Variants in PDE4D observed in about 807,000 individuals in gnomAD.
PDE4D encodes the protein phosphodiesterase 4D, also known as 3',5'-cyclic-AMP phosphodiesterase 4D.
PDE4D carries 24 observed loss-of-function variants against 87.4 expected under a neutral mutation model. The observed-to-expected ratio is 0.27, with a 90% confidence interval of 0.20 to 0.39. The LOEUF (loss-of-function observed/expected upper bound fraction) is 0.39. Ranked by LOEUF, PDE4D falls within the 10% of genes least tolerant of loss-of-function variation. The probability of loss-of-function intolerance (pLI) is 1.00; values close to 1 mark genes in which losing one functional copy is unlikely to be tolerated. For missense variants in PDE4D, 714 were observed against 1,041.0 expected (o/e 0.69, Z 4.32); for synonymous variants, 384 against 383.2 (o/e 1.00, Z -0.02).
At chr5:59,305,353 CATTT>C (rs889877603) in intron 1 of PDE4D, among the ~76,000 whole-genome samples, 2 of 143,428 alleles carry the variant, frequency 1.4e-5, no homozygotes. Flanking sequence ...GGTTTTGTTT[CATTT>C]ATTTATTTAT....
chr5:60,223,991 T>C (rs968575389), intron 1 of PDE4D, among the ~76,000 whole-genome samples: 1 of 152,046 alleles, frequency 6.6e-6, no homozygotes. Context: ...AGAGAGTAAG[T>C]GGGTGGCTAG....
At chr5:60,055,933 G>A (rs546941997) in intron 2 of PDE4D, among the ~76,000 whole-genome samples, 2 of 152,142 alleles carry the variant, frequency 1.3e-5, no homozygotes, top group Admixed American at 6.6e-5. Flanking sequence ...AAAAGGGAAA[G>A]GAGAAGCAAG....
chr5:59,268,990 T>G (rs1193651806), intron 1 of PDE4D, among the ~76,000 whole-genome samples: 1 of 152,046 alleles, frequency 6.6e-6, no homozygotes, highest in Non-Finnish European at 1.5e-5. Context: ...ATTCACTACA[T>G]GATTGGAATG....
rs1158171496 is a variant in PDE4D at position 58,971,606 on chromosome 5, G to GT, written c.*3057dup. 2 of 152,484 alleles carry GT rather than the reference G, an allele frequency of 1.3e-5. No individual in the cohort carries two copies. The highest frequency in any genetic ancestry group is 2.9e-5 in the Non-Finnish European group (2 of 68,004). The allele number at this position is 152,484 out of a possible 1,614,324, so 9.4% of individuals were successfully genotyped here. On this transcript the variant is annotated 3_prime_UTR_variant, in exon 15 of 15. Transcript: ENST00000340635. ...TTTCTGTAAAATCCATTTCATTCAA[G>GT]TTTTTTCTTTCCTTGTCTGTAATTT...
chr5:59,013,327 C>CA (rs1753234280), intron 6 of PDE4D, among the ~76,000 whole-genome samples: 2 of 145,738 alleles, frequency 1.4e-5, no homozygotes, highest in African/African-American at 2.5e-5. Context: ...GATAGAGACA[C>CA]AAAAAAACCT....
intron 6 of PDE4D, among the ~76,000 whole-genome samples, chr5:59,016,818 T>G (rs189687999): frequency 6.6e-6 from 1 of 152,080 alleles, no homozygotes; most frequent in Admixed American, 6.6e-5. Context: ...TGTGCCAGCA[T>G]AGGGGATACA....
chr5:59,557,604 A>C lies in PDE4D; in HGVS notation c.455+335564T>G, dbSNP rs565598275. Among the ~76,000 whole-genome samples, 6 of 152,290 alleles carry C rather than the reference A, an allele frequency of 3.9e-5. No homozygotes were observed. The South Asian group carries it at 1.0e-3, about 26-fold the overall frequency. ...TTAGTCAGTAGGTTTATGTCTACCA[A>C]TATATATCCTATGAGTTAATATAAG... On this transcript the variant is annotated intron_variant, in intron 1 of 14. Transcript: ENST00000340635.
At chr5:59,031,065 A>G (rs1336842728) in intron 6 of PDE4D, among the ~76,000 whole-genome samples, 3 of 152,028 alleles carry the variant, frequency 2.0e-5, no homozygotes, top group African/African-American at 7.2e-5. Context: ...CTATGTTCAA[A>G]CAGATGAATG....
chr5:60,460,060 T>C, intron 1 of PDE4D: 1 of 1,581,602 alleles, frequency 6.3e-7, no homozygotes. Context: ...TTTGGTGACC[T>C]CTCATAACTC....
At chr5:60,425,322 G>C (rs910003082) in intron 1 of PDE4D, among the ~76,000 whole-genome samples, 1 of 152,150 alleles carries the variant, frequency 6.6e-6, no homozygotes, top group African/African-American at 2.4e-5. Flanking sequence ...CATGGTACTG[G>C]TACCAAAACA....
intron 1 of PDE4D, among the ~76,000 whole-genome samples, chr5:59,593,359 C>G (rs1045310752): frequency 1.3e-5 from 2 of 151,236 alleles, no homozygotes; most frequent in African/African-American, 4.9e-5. Flanking sequence ...AGAATGCACA[C>G]TTATTCTTTC....
intron 1 of PDE4D, among the ~76,000 whole-genome samples, chr5:60,259,886 C>T (rs2149701171): frequency 6.6e-6 from 1 of 151,884 alleles, no homozygotes; most frequent in South Asian, 2.1e-4. Context: ...GGGATGGGCA[C>T]CAAGGAAAGT....
intron 3 of PDE4D, among the ~76,000 whole-genome samples, chr5:59,905,692 A>C (rs372218388): frequency 3.9e-5 from 6 of 152,168 alleles, no homozygotes; most frequent in African/African-American, 1.4e-4. Context: ...TGCTCAGCAC[A>C]ATATCTGTTA....
chr5:59,822,405 G>A (rs1370210391), intron 1 of PDE4D, among the ~76,000 whole-genome samples: 1 of 152,018 alleles, frequency 6.6e-6, no homozygotes, highest in African/African-American at 2.4e-5. Context: ...TGTATTGGAG[G>A]TAATGATTTT....
At chr5:59,781,248 G>C (rs1306062780) in intron 1 of PDE4D, among the ~76,000 whole-genome samples, 1 of 151,454 alleles carries the variant, frequency 6.6e-6, no homozygotes, top group Admixed American at 6.6e-5. Flanking sequence ...TGAAAAAGGA[G>C]TGTAATTCCT....
chr5:59,793,838 G>T (rs373741225), intron 1 of PDE4D, among the ~76,000 whole-genome samples: 1 of 152,154 alleles, frequency 6.6e-6, no homozygotes, highest in African/African-American at 2.4e-5. Context: ...AGATTAAGCC[G>T]TGGTGACAGA....
chr5:59,767,292 T>C (rs1762922603), intron 1 of PDE4D, among the ~76,000 whole-genome samples: 1 of 152,150 alleles, frequency 6.6e-6, no homozygotes, highest in African/African-American at 2.4e-5. Context: ...TTTATACTCA[T>C]CTTATCAAAA....
chr5:59,354,456 A>G (rs1244203598), intron 1 of PDE4D, among the ~76,000 whole-genome samples: 2 of 152,188 alleles, frequency 1.3e-5, no homozygotes, highest in African/African-American at 4.8e-5. Context: ...TCTTCAGAAG[A>G]TAATTATAGC....
At chr5:59,237,782 GGTGTGTGTGT>G (rs61375269) in intron 1 of PDE4D, among the ~76,000 whole-genome samples, 20 of 29,464 alleles carry the variant, frequency 6.8e-4, no homozygotes, top group African/African-American at 1.5e-3. Flanking sequence ...CCCTCATATA[GGTGTGTGTGT>G]GTGTGTGTGT....
Sources: gnomAD v4.1 joint callset for allele counts (sites outside exome capture counted in the v4.1 genomes callset) on GRCh38, gnomAD v4.1.1 for gene constraint, MANE v1.5 for transcripts, NCBI Gene and HGNC (gene_info 2026-07-23, HGNC 2026-07-21) for gene names.